The following IL1RAPL1 variants were observed in gnomAD, a reference collection of about 807,000 sequenced individuals.
IL1RAPL1 encodes interleukin-1 receptor accessory protein-like 1.
IL1RAPL1 carries 3 observed loss-of-function variants against 48.4 expected under a neutral mutation model. The observed-to-expected ratio is 0.06, with a 90% CI of 0.03 to 0.16. The LOEUF (loss-of-function observed/expected upper bound fraction) is 0.16. IL1RAPL1 is among the 10% of genes least tolerant of loss of function. IL1RAPL1 has a pLI of 1.00. For synonymous variants in IL1RAPL1, 185 were observed against 187.7 expected, an observed-to-expected ratio of 0.99 and a Z score of 0.12; for missense variants, 349 against 530.6, an observed-to-expected ratio of 0.66 and a Z score of 3.36.
At chrX:29,277,177 C>T (rs1018414809) in intron 2 of IL1RAPL1, among the ~76,000 whole-genome samples, 5 of 111,699 alleles carry the variant, frequency 4.5e-5, no homozygotes, top group Admixed American at 2.8e-4. Flanking sequence ...AATAAGAATC[C>T]AGATTTTCTT....
chrX:28,687,000 A>G (rs1410731198), intron 1 of IL1RAPL1, among the ~76,000 whole-genome samples: 1 of 112,202 alleles, frequency 8.9e-6, no homozygotes, highest in Non-Finnish European at 1.9e-5. Flanking sequence ...TAGAGCTTAT[A>G]AAGAAACTAG....
At chrX:29,654,652 G>A (rs1034605045) in intron 5 of IL1RAPL1, among the ~76,000 whole-genome samples, 8 of 111,733 alleles carry the variant, frequency 7.2e-5, no homozygotes, top group African/African-American at 2.3e-4. Context: ...CCCACGACAT[G>A]TGGGAATTAT....
rs760535396 is a variant in IL1RAPL1 at position 28,889,634 on chromosome X, C to T, written c.82+100209C>T. Reference sequence around the variant, plus strand: ...ACATCTTTCAACTTATTAAGCAGGTCGCCTAAAGGAGAAACCATCTCCAGA... The same window carrying T: ...ACATCTTTCAACTTATTAAGCAGGTTGCCTAAAGGAGAAACCATCTCCAGA... On this transcript the variant is annotated intron_variant, in intron 2 of 10. Transcript: ENST00000378993. 8.1e-5 allele frequency among the ~76,000 whole-genome samples: 9 copies of T among 111,175 alleles called. No homozygotes were observed. In the South Asian group the frequency reaches 3.0e-3, roughly 38 times the overall value.
chrX:29,846,761 T>TAC (rs1251636139), intron 6 of IL1RAPL1, among the ~76,000 whole-genome samples: 1 of 89,554 alleles, frequency 1.1e-5, no homozygotes, highest in Non-Finnish European at 2.1e-5. Context: ...TCTATATATA[T>TAC]ATATATACAT....
At chrX:28,655,020 G>T (rs1372712280) in intron 1 of IL1RAPL1, among the ~76,000 whole-genome samples, 1 of 111,146 alleles carries the variant, frequency 9.0e-6, no homozygotes, top group East Asian at 2.8e-4. Flanking sequence ...GGTGGGAGGA[G>T]TCGGGATGGA....
chrX:29,401,389 G>A (rs189412281), intron 5 of IL1RAPL1, among the ~76,000 whole-genome samples: 1 of 111,256 alleles, frequency 9.0e-6, no homozygotes, highest in East Asian at 2.8e-4. Flanking sequence ...TGCATTTTAG[G>A]TATTAACAAC....
At chrX:28,803,894 A>C (rs1441039391) in intron 2 of IL1RAPL1, among the ~76,000 whole-genome samples, 4 of 112,539 alleles carry the variant, frequency 3.6e-5, no homozygotes, top group Admixed American at 9.4e-5. Flanking sequence ...TGTTTGTAGA[A>C]ACTTGCCTTT....
chrX:29,854,340 C>T (rs747978005), intron 6 of IL1RAPL1, among the ~76,000 whole-genome samples: 2 of 111,704 alleles, frequency 1.8e-5, no homozygotes, highest in Non-Finnish European at 3.8e-5. Context: ...AGTGGCCTGA[C>T]CTGGGTGAAT....
chrX:29,181,068 A>G (rs898829195), intron 2 of IL1RAPL1, among the ~76,000 whole-genome samples: 1 of 111,752 alleles, frequency 8.9e-6, no homozygotes, highest in Non-Finnish European at 1.9e-5. Flanking sequence ...TGTGTGAACT[A>G]TTTAAAATTC....
chrX:28,638,925 G>T (rs922684391), intron 1 of IL1RAPL1, among the ~76,000 whole-genome samples: 40 of 111,213 alleles, frequency 3.6e-4, no homozygotes, highest in African/African-American at 1.3e-3. Context: ...TTTTCTTGAC[G>T]TCAGACCATT....
intron 3 of IL1RAPL1, among the ~76,000 whole-genome samples, chrX:29,325,027 C>G (rs181034054): frequency 8.9e-6 from 1 of 111,793 alleles, no homozygotes; most frequent in Non-Finnish European, 1.9e-5. Context: ...TGTGGAATAT[C>G]TTAATTATTT....
intron 5 of IL1RAPL1, among the ~76,000 whole-genome samples, chrX:29,430,128 T>TCA (rs1173763968): frequency 5.5e-5 from 6 of 108,264 alleles, no homozygotes; most frequent in South Asian, 4.1e-4. Flanking sequence ...TCTGTCTGTC[T>TCA]CTCTCTCTCT....
intron 2 of IL1RAPL1, among the ~76,000 whole-genome samples, chrX:29,222,529 G>A (rs1207223819): frequency 3.6e-5 from 4 of 111,760 alleles, no homozygotes; most frequent in African/African-American, 6.5e-5. Flanking sequence ...TTGCACTTAG[G>A]AGTTGTTCAG....
chrX:29,603,587 C>G lies in IL1RAPL1; in HGVS notation c.704-64843C>G, dbSNP rs1923796763. 2.7e-5 allele frequency among the ~76,000 whole-genome samples: 3 copies of G among 111,384 alleles called. No homozygotes were observed. The Admixed American group carries it at 2.9e-4, about 11-fold the overall frequency. On this transcript the variant is annotated intron_variant, in intron 5 of 10. Coordinates refer to ENST00000378993, the MANE Select transcript of IL1RAPL1 (RefSeq NM_014271.4). ...TTTTTTTATTTTTATCTTTCCACCA[C>G]CCCCCACCACCTCCACTGCTGGAAT...
chrX:28,609,903 T>G (rs889470308), intron 1 of IL1RAPL1, among the ~76,000 whole-genome samples: 1 of 111,649 alleles, frequency 9.0e-6, no homozygotes, highest in Non-Finnish European at 1.9e-5. Flanking sequence ...TCTCTCACTT[T>G]TTAGAATGGA....
At chrX:29,717,458 G>A (rs1389553419) in intron 6 of IL1RAPL1, among the ~76,000 whole-genome samples, 5 of 112,037 alleles carry the variant, frequency 4.5e-5, no homozygotes, top group Non-Finnish European at 9.4e-5. Context: ...TCCACTTCTG[G>A]GAAGGTCTTT....
chrX:28,934,271 G>A (rs958275034), intron 2 of IL1RAPL1, among the ~76,000 whole-genome samples: 17 of 111,387 alleles, frequency 1.5e-4, no homozygotes, highest in Non-Finnish European at 1.7e-4. Context: ...TTTCAGTACA[G>A]TTCATTACCC....
At chrX:29,144,892 TA>T (rs781335677) in intron 2 of IL1RAPL1, among the ~76,000 whole-genome samples, 50 of 107,883 alleles carry the variant, frequency 4.6e-4, no homozygotes, top group Admixed American at 9.0e-4. Flanking sequence ...ATGCCTGGCT[TA>T]TTTTTTTGTA....
Position 29,457,049 on chromosome X carries a change from A to G in IL1RAPL1, c.703+57741A>G, listed in dbSNP as rs752394370. On this transcript the variant is annotated intron_variant, in intron 5 of 10. Coordinates refer to ENST00000378993, the MANE Select transcript of IL1RAPL1 (RefSeq NM_014271.4). ...CTCAGGAGGCCGAGGAGGAAAGATC[A>G]CTTGAGCCCAGGAGATCTAGTTTGC... 3.7e-5 allele frequency among the ~76,000 whole-genome samples: 4 copies of G among 109,212 alleles called. No individual in the cohort carries two copies. The South Asian group carries it at 1.6e-3, about 44-fold the overall frequency. The allele number at this position is 109,212 out of a possible 115,157, so 94.8% of individuals were successfully genotyped here. A position where few individuals can be genotyped will look rare whatever the true frequency, so the allele number is the denominator to read the frequency against.
Sources: allele counts gnomAD v4.1 joint callset (sites outside exome capture counted in the v4.1 genomes callset), GRCh38; gene constraint gnomAD v4.1.1; transcripts MANE v1.5; gene names NCBI Gene and HGNC (gene_info 2026-07-23, HGNC 2026-07-21).